The following EPHB2 variants were observed in gnomAD, a reference collection of about 807,000 sequenced individuals.
EPHB2 encodes the protein EPH receptor B2, also known as ephrin type-B receptor 2.
In EPHB2, 18 loss-of-function variants were observed where a neutral mutation model predicts 96.4. The observed-to-expected ratio is 0.19, with a 90% CI of 0.13 to 0.28. The LOEUF (loss-of-function observed/expected upper bound fraction) is 0.28. Among genes scored for constraint, EPHB2 ranks in the 10% least tolerant of loss-of-function variants. The pLI, the probability that EPHB2 is intolerant of heterozygous loss-of-function variation, is 1.00. For missense variants in EPHB2, 989 were observed against 1,355.4 expected (o/e 0.73, Z 4.25); for synonymous variants, 506 against 534.1 (o/e 0.95, Z 0.72).
chr1:22,869,759 T>G (rs1317584391), intron 5 of EPHB2, among the ~76,000 whole-genome samples: 1 of 152,232 alleles, frequency 6.6e-6, no homozygotes, highest in East Asian at 1.9e-4. Flanking sequence ...TCAGCTCATT[T>G]CACTGACCTT....
chr1:22,824,391 T>C (rs976268215), intron 3 of EPHB2, among the ~76,000 whole-genome samples: 1 of 152,218 alleles, frequency 6.6e-6, no homozygotes, highest in Non-Finnish European at 1.5e-5. Context: ...GAGAGTTTCC[T>C]GTGAACAAGG....
chr1:22,772,463 C>T (rs373009928), intron 1 of EPHB2, among the ~76,000 whole-genome samples: 7 of 152,186 alleles, frequency 4.6e-5, no homozygotes, highest in East Asian at 1.9e-4. Flanking sequence ...TCTCTTTCCT[C>T]GAGACTGAGG....
rs1031532826 is a variant in EPHB2 at position 22,882,252 on chromosome 1, C to T, written c.1304-107C>T. The T allele has an allele frequency of 3.8e-6, 6 of 1,564,528 alleles. No individual in the cohort carries two copies. The African/African-American group carries it at 6.8e-5, about 18-fold the overall frequency. On this transcript the variant is annotated intron_variant, in intron 5 of 15. Transcript: ENST00000374630. ...CTGTGGCCTCAGCCAGATGCCCTTC[C>T]CTCTCTGATCCCACAGTGCCCCACC...
At chr1:22,746,136 C>T (rs1020214370) in intron 1 of EPHB2, among the ~76,000 whole-genome samples, 1 of 152,184 alleles carries the variant, frequency 6.6e-6, no homozygotes, top group Non-Finnish European at 1.5e-5. Context: ...GGAAAGATCG[C>T]ACCAGACACC....
At chr1:22,716,882 G>A (rs947621322) in intron 1 of EPHB2, among the ~76,000 whole-genome samples, 5 of 152,272 alleles carry the variant, frequency 3.3e-5, no homozygotes, top group Admixed American at 2.0e-4. Context: ...GCCTCCTGAC[G>A]GGAGGATCTT....
intron 3 of EPHB2, among the ~76,000 whole-genome samples, chr1:22,806,201 A>T (rs1179020139): frequency 6.6e-6 from 1 of 152,254 alleles, no homozygotes; most frequent in East Asian, 1.9e-4. Context: ...GCACAGGGCA[A>T]ACACTTTATA....
intron 3 of EPHB2, among the ~76,000 whole-genome samples, chr1:22,827,278 G>A (rs1349612866): frequency 2.0e-5 from 3 of 152,188 alleles, no homozygotes; most frequent in Admixed American, 2.0e-4. Flanking sequence ...CCCAGGCCCA[G>A]GTCCTCTCTT....
intron 4 of EPHB2, 36 bp from the exon 5 acceptor site, chr1:22,864,841 A>C (rs1638411390): frequency 1.5e-6 from 2 of 1,292,108 alleles, no homozygotes; most frequent in Non-Finnish European, 2.2e-6. Context: ...GTACCCCCTG[A>C]GCCCCCCACT....
At chr1:22,738,118 G>A (rs1643865933) in intron 1 of EPHB2, among the ~76,000 whole-genome samples, 2 of 152,204 alleles carry the variant, frequency 1.3e-5, no homozygotes, top group African/African-American at 4.8e-5. Flanking sequence ...CCACTTAGGG[G>A]CTGGATGGAT....
Position 22,913,375 on chromosome 1 carries a change from C to T in EPHB2, c.2853-87C>T. On this transcript the variant is annotated intron_variant, in intron 15 of 15. Transcript: ENST00000374630. This position sits in a 1 kb window ranked among gnomAD's most constrained non-coding sequence, Gnocchi z 4.1. ...CAGTACTCCTTGCTTTGCCATCTTC[C>T]TCCCGGGGAAGCCCAGGCAGCTCTC... 1 of 1,541,484 alleles carries T rather than the reference C, an allele frequency of 6.5e-7. No individual in the cohort carries two copies. The highest frequency in any genetic ancestry group is 1.4e-5 in the African/African-American group (1 of 73,380).
chr1:22,823,150 A>G (rs557217596), intron 3 of EPHB2, among the ~76,000 whole-genome samples: 1 of 152,194 alleles, frequency 6.6e-6, no homozygotes, highest in African/African-American at 2.4e-5. Flanking sequence ...CAGTCATCCC[A>G]GATGGACCCA....
At chr1:22,724,858 CT>C (rs1208007045) in intron 1 of EPHB2, among the ~76,000 whole-genome samples, 3 of 152,186 alleles carry the variant, frequency 2.0e-5, no homozygotes, top group Non-Finnish European at 4.4e-5. Context: ...GGACTCAAGG[CT>C]TTGGGCTCCT....
rs1453212886 is a variant in EPHB2 at position 22,913,238 on chromosome 1, G to A, written c.2853-224G>A. The A allele has an allele frequency of 1.5e-5, 9 of 604,956 alleles. No individual in the cohort carries two copies. The highest frequency in any genetic ancestry group is 2.7e-5 in the Non-Finnish European group (9 of 339,308). The allele number at this position is 604,956 out of a possible 1,614,324, so 37.5% of individuals were successfully genotyped here. On this transcript the variant is annotated intron_variant, in intron 15 of 15. Transcript: ENST00000374630. This position sits in a 1 kb window ranked among gnomAD's most constrained non-coding sequence, Gnocchi z 4.1. ...GCTGGCTTCCCCCTCCCAATAGCAG[G>A]GGAGAGAAGGCCCCCTAGGGACCCT...
In EPHB2 at chr1:22,741,689, C is replaced by CA. The variant is rs1553160119; in HGVS notation, c.61+30653dup. Among the ~76,000 whole-genome samples, 151 of 126,590 alleles carry CA rather than the reference C, an allele frequency of 1.2e-3. 1 individual carries two copies. Among genetic ancestry groups the CA allele is most frequent in the African/African-American group, 4.1e-3 (134 of 32,496 alleles). The allele number at this position is 126,590 out of a possible 152,430, so 83.0% of individuals were successfully genotyped here. ...TGGTTTTCTTCCCAGCAAAAAAAAA[C>CA]AAAAAAACAAAAAACCTCAGTTTCT... is the stretch of plus-strand genomic sequence containing the variant. On this transcript the variant is annotated intron_variant, in intron 1 of 15. Transcript: ENST00000374630.
intron 3 of EPHB2, among the ~76,000 whole-genome samples, chr1:22,841,824 C>A (rs28649787): frequency 6.6e-6 from 1 of 151,974 alleles, no homozygotes; most frequent in African/African-American, 2.4e-5. Flanking sequence ...TGAAGGCCTG[C>A]TGTCTCCAGG....
chr1:22,727,331 G>A (rs1643602412), intron 1 of EPHB2, among the ~76,000 whole-genome samples: 1 of 152,242 alleles, frequency 6.6e-6, no homozygotes, highest in African/African-American at 2.4e-5. Context: ...CAATGGCAGG[G>A]ACAAGGGCAG....
Position 22,857,835 on chromosome 1 carries a change from C to T in EPHB2, c.812-5202C>T, listed in dbSNP as rs554406806. 9.9e-5 allele frequency among the ~76,000 whole-genome samples: 15 copies of T among 152,246 alleles called. 1 individual carries two copies. Among genetic ancestry groups the T allele is most frequent in the Non-Finnish European group, 2.1e-4 (14 of 68,028 alleles). On this transcript the variant is annotated intron_variant, in intron 3 of 15. Coordinates refer to ENST00000374630, the MANE Select transcript of EPHB2 (RefSeq NM_017449.5). ...TCAATCAACCTGTACACATCAAGTG[C>T]CTACGACCGGCCCGCGGCTCTGCTA... is the stretch of plus-strand genomic sequence containing the variant.
intron 5 of EPHB2, among the ~76,000 whole-genome samples, chr1:22,867,388 G>A (rs1638513188): frequency 6.6e-6 from 1 of 152,164 alleles, no homozygotes; most frequent in Admixed American, 6.5e-5. Flanking sequence ...ATCCAAATGT[G>A]GCTCTGCCTG....
In EPHB2 at chr1:22,860,621, G is replaced by A. The variant is rs377485614; in HGVS notation, c.812-2416G>A. Among the ~76,000 whole-genome samples the A allele has an allele frequency of 1.3e-3, 191 of 152,230 alleles. 1 individual carries two copies. Among genetic ancestry groups the A allele is most frequent in the African/African-American group, 4.2e-3 (174 of 41,534 alleles). The stretch of plus-strand genomic sequence containing the variant: ...GCAGCCACCCACTGGCGGCCCCCCC[G>A]GGAATGCCCCGCAGATGGAGGAGGG... On this transcript the variant is annotated intron_variant, in intron 3 of 15. Coordinates refer to ENST00000374630, the MANE Select transcript of EPHB2 (RefSeq NM_017449.5). The surrounding 1 kb of genome is among the most constrained non-coding windows in gnomAD (Gnocchi z 4.6).
Sources: gnomAD v4.1 joint callset for allele counts (sites outside exome capture counted in the v4.1 genomes callset) on GRCh38, gnomAD v4.1.1 for gene constraint, Gnocchi (gnomAD v3.1) non-coding constraint, MANE v1.5 for transcripts, NCBI Gene and HGNC (gene_info 2026-07-23, HGNC 2026-07-21) for gene names.